Variants in HCN4 observed in about 807,000 individuals in gnomAD.
HCN4 encodes the protein hyperpolarization activated cyclic nucleotide gated potassium channel 4.
Under a neutral mutation model 76.9 loss-of-function variants are expected in HCN4, and 29 were observed. The ratio of observed to expected loss-of-function variants is 0.38; its 90% CI spans 0.28 to 0.51. The LOEUF (loss-of-function observed/expected upper bound fraction) is 0.51. Among genes scored for constraint, HCN4 ranks in the 20% least tolerant of loss-of-function variants. The probability of loss-of-function intolerance (pLI) is 0.90; values close to 1 mark genes in which losing one functional copy is unlikely to be tolerated. For synonymous variants in HCN4, 772 were observed against 762.5 expected, an observed-to-expected ratio of 1.01 and a Z score of -0.21; for missense variants, 1,416 against 1,715.2, an observed-to-expected ratio of 0.83 and a Z score of 3.08.
At position 73,367,166 on chromosome 15, in the gene HCN4, G is replaced by C. The variant is rs150722554; in HGVS notation, c.785+320C>G. Among the ~76,000 whole-genome samples, 19 of 152,344 alleles carry C rather than the reference G, an allele frequency of 1.2e-4. 1 individual carries two copies. The East Asian group carries it at 2.9e-3, about 23-fold the overall frequency. On this transcript the variant is annotated intron_variant, in intron 1 of 7. Transcript: ENST00000261917. This position sits in a 1 kb window ranked among gnomAD's most constrained non-coding sequence, Gnocchi z 7.5. ...CCATCCTGACTCTGCAGCCTTGAAGGGGGAGGAGGAATATGTGGCTTAAGG... is the reference window on the plus strand; with the variant it reads ...CCATCCTGACTCTGCAGCCTTGAAGCGGGAGGAGGAATATGTGGCTTAAGG...
intron 1 of HCN4, among the ~76,000 whole-genome samples, chr15:73,357,482 C>T (rs1325077833): frequency 6.6e-6 from 1 of 152,122 alleles, no homozygotes; most frequent in East Asian, 1.9e-4. Flanking sequence ...CTGCATGGGT[C>T]CTCACACTCT....
Position 73,339,308 on chromosome 15 carries a change from C to T in HCN4, c.1209+4077G>A, listed in dbSNP as rs1038325405. On this transcript the variant is annotated intron_variant, in intron 2 of 7. Transcript: ENST00000261917. Reference sequence around the variant, plus strand: ...ATCCTCCAAGATGGTGGCCCACCTGCGCTGACTCACAAGACTGCCTGACTG... The same window carrying T: ...ATCCTCCAAGATGGTGGCCCACCTGTGCTGACTCACAAGACTGCCTGACTG... Among the ~76,000 whole-genome samples, 12 of 152,196 alleles carry T rather than the reference C, an allele frequency of 7.9e-5. No homozygotes were observed. In the South Asian group the frequency reaches 1.0e-3, roughly 13 times the overall value.
At position 73,322,507 on chromosome 15, in the gene HCN4, G is replaced by T. The variant is rs780977563; in HGVS notation, c.3586C>A (p.Arg1196Ser). The change falls in exon 8 of 8, where the codon CGC (arginine) becomes AGC (serine). Residue 1196 changes from arginine (R) to serine (S), a missense_variant. This residue lies in a region of HCN4 where 633 missense variants were observed against 579.8 expected (regional missense o/e 1.09). Transcript: ENST00000261917. ...CATAGATTGGATGGCAGTTTGGAGCGCACTGGCTCAGGCCTGGCCCCAGGT... is the reference window on the plus strand; with the variant it reads ...CATAGATTGGATGGCAGTTTGGAGCTCACTGGCTCAGGCCTGGCCCCAGGT... ...REPGARPEPVRSKLPSNL is the reference protein window; with the variant it reads ...REPGARPEPVSSKLPSNL The T allele has an allele frequency of 6.3e-7, 1 of 1,599,346 alleles. No homozygotes were observed. Among genetic ancestry groups the T allele is most frequent in the Non-Finnish European group, 8.5e-7 (1 of 1,172,978 alleles).
rs867522153 is a variant in HCN4 at position 73,368,209 on chromosome 15, G to A, written c.62C>T (p.Ala21Val). 2.0e-6 allele frequency: 3 copies of A among 1,531,076 alleles called. No homozygotes were observed. The highest frequency in any genetic ancestry group is 1.4e-5 in the African/African-American group (1 of 70,124). 94.8% of individuals were successfully genotyped at this position (1,531,076 alleles called of 1,614,324 possible). The change falls in exon 1 of 8, where the codon GCC (alanine) becomes GTC (valine). Residue 21 changes from alanine (A) to valine (V), a missense_variant. Transcript: ENST00000261917. The surrounding 1 kb of genome is among the most constrained non-coding windows in gnomAD (Gnocchi z 6.9). Reference protein sequence around the residue: ...RLYSLPQQVGAKAWIMDEEED... With the variant: ...RLYSLPQQVGVKAWIMDEEED... ...TTCCTCGTCCATGATCCACGCCTTG[G>A]CCCCCACCTGCTGCGGGAGGCTGTA...
rs772656493 is a variant in HCN4 at position 73,368,254 on chromosome 15, G to A, written c.17C>T (p.Pro6Leu). The stretch of plus-strand genomic sequence containing the variant: ...GCTGTAGAGCCGCTTGCGCATGGAC[G>A]GCGGCAGCTTGTCCATGGCGCCAGG... MDKLP[P>L]SMRKRLYSLP... The change falls in exon 1 of 8, where the codon CCG becomes CTG. Residue 6 changes from proline (P) to leucine (L), a missense_variant. Transcript: ENST00000261917. The surrounding 1 kb of genome is among the most constrained non-coding windows in gnomAD (Gnocchi z 6.9). 5 of 1,496,802 alleles carry A rather than the reference G, an allele frequency of 3.3e-6. No individual in the cohort carries two copies. Among genetic ancestry groups the A allele is most frequent in the Middle Eastern group, 1.9e-4 (1 of 5,256 alleles). The allele number at this position is 1,496,802 out of a possible 1,614,324, so 92.7% of individuals were successfully genotyped here.
At position 73,323,104 on chromosome 15, in the gene HCN4, G is replaced by T. The variant is rs767626058; in HGVS notation, c.2989C>A (p.Pro997Thr). The T allele has an allele frequency of 3.1e-6, 5 of 1,591,560 alleles. No individual in the cohort carries two copies. The highest frequency in any genetic ancestry group is 4.3e-6 in the Non-Finnish European group (5 of 1,170,654). Residue 997 changes from proline (P) to threonine (T), a missense_variant, in exon 8 of 8, where the codon CCC (proline) becomes ACC (threonine). Pro to Thr is a conservative substitution (Grantham distance 38). Coordinates refer to ENST00000261917, the MANE Select transcript of HCN4 (RefSeq NM_005477.3). ...GACGGCGGCTCAGGCTGCCGTGGGG[G>T]TGTCTCTGGCGTGCTCAGTGGGCCA... ...ATGPLSTPET[P>T]PRQPEPPSLV...
intron 2 of HCN4, among the ~76,000 whole-genome samples, chr15:73,332,495 C>G (rs772727631): frequency 6.6e-6 from 1 of 152,166 alleles, no homozygotes; most frequent in Non-Finnish European, 1.5e-5. Context: ...GCTGCAGGGT[C>G]CCAGAGGGAC....
intron 1 of HCN4, among the ~76,000 whole-genome samples, chr15:73,361,518 T>C (rs754402547): frequency 6.6e-6 from 1 of 152,214 alleles, no homozygotes. Context: ...AATTAGCAAC[T>C]GGCAGTCGCA....
chr15:73,323,756 C>T lies in HCN4; in HGVS notation c.2337G>A (p.Gln779=), dbSNP rs2042880424. 6.2e-7 allele frequency: 1 copy of T among 1,607,086 alleles called. No individual in the cohort carries two copies. ...TGGCAGCGGCAGCCTGCAGTGGTGC[C>T]TGGATCAGCGGGGTCCAGATGACGG... The part of the protein sequence containing the change: ...PTPVIWTPLI[Q]APLQAAAATT... Residue 779 remains glutamine (Q), a synonymous_variant, in exon 8 of 8, where the codon CAG becomes CAA. Transcript: ENST00000261917.
At chr15:73,354,244 C>T (rs1352087006) in intron 1 of HCN4, among the ~76,000 whole-genome samples, 1 of 152,190 alleles carries the variant, frequency 6.6e-6, no homozygotes, top group Non-Finnish European at 1.5e-5. Context: ...TTACCCCTGC[C>T]TCTTCTAAGG....
intron 4 of HCN4, among the ~76,000 whole-genome samples, chr15:73,327,775 C>T (rs2042909632): frequency 6.6e-6 from 1 of 152,162 alleles, no homozygotes; most frequent in Non-Finnish European, 1.5e-5. Context: ...TGATGCCTGG[C>T]CTAGAATTCT....
chr15:73,346,764 C>T (rs1014343923), intron 1 of HCN4, among the ~76,000 whole-genome samples: 8 of 152,086 alleles, frequency 5.3e-5, no homozygotes, highest in Non-Finnish European at 1.2e-4. Context: ...AGGGTGAGGC[C>T]GGGAAACTGC....
intron 1 of HCN4, among the ~76,000 whole-genome samples, chr15:73,365,961 G>A (rs979202102): frequency 6.6e-6 from 1 of 152,152 alleles, no homozygotes; most frequent in Non-Finnish European, 1.5e-5. Flanking sequence ...CTCTAGCTCG[G>A]CCCAGGATCC....
At chr15:73,346,446 AAAGAGGT>A (rs1401556745) in intron 1 of HCN4, among the ~76,000 whole-genome samples, 2 of 152,180 alleles carry the variant, frequency 1.3e-5, no homozygotes, top group Non-Finnish European at 2.9e-5. Context: ...AATTTGCAGG[AAAGAGGT>A]AAGAGGGAGG....
At chr15:73,364,959 G>A (rs1018040261) in intron 1 of HCN4, among the ~76,000 whole-genome samples, 6 of 152,188 alleles carry the variant, frequency 3.9e-5, no homozygotes, top group Non-Finnish European at 8.8e-5. Context: ...AACCAGTTCT[G>A]CTGGATCAAT....
chr15:73,347,250 C>T (rs1329679223), intron 1 of HCN4, among the ~76,000 whole-genome samples: 2 of 152,034 alleles, frequency 1.3e-5, no homozygotes, highest in Non-Finnish European at 2.9e-5. Context: ...GAAGTGTCTG[C>T]CCTAGACTAC....
At chr15:73,334,607 T>C (rs543548514) in intron 2 of HCN4, among the ~76,000 whole-genome samples, 2 of 151,618 alleles carry the variant, frequency 1.3e-5, no homozygotes, top group East Asian at 3.9e-4. Flanking sequence ...ACACCAGGGG[T>C]TTGGGGAGGG....
At chr15:73,331,727 G>A (rs1458683780) in intron 3 of HCN4, among the ~76,000 whole-genome samples, 2 of 152,184 alleles carry the variant, frequency 1.3e-5, no homozygotes, top group Non-Finnish European at 2.9e-5. Flanking sequence ...TTACTGGTAT[G>A]AGCCACTGCA....
At chr15:73,347,557 C>T (rs555179641) in intron 1 of HCN4, among the ~76,000 whole-genome samples, 33 of 152,164 alleles carry the variant, frequency 2.2e-4, no homozygotes, top group African/African-American at 8.0e-4. Context: ...AGCAATCACT[C>T]GGTCACGGTC....
Sources: allele counts gnomAD v4.1 joint callset (sites outside exome capture counted in the v4.1 genomes callset), GRCh38; gene constraint gnomAD v4.1.1; regional missense constraint gnomAD v4.1.1; non-coding constraint Gnocchi (gnomAD v3.1); transcripts MANE v1.5; gene names NCBI Gene and HGNC (gene_info 2026-07-23, HGNC 2026-07-21).